The following FBXL5 variants were observed in gnomAD, a reference collection of about 807,000 sequenced individuals.
The protein encoded by FBXL5 is F-box/LRR-repeat protein 5.
Under a neutral mutation model 78.3 loss-of-function variants are expected in FBXL5, and 26 were observed. That is an observed-to-expected ratio of 0.33 (90% CI 0.24 to 0.46). FBXL5 has a LOEUF of 0.46. Among genes scored for constraint, FBXL5 ranks in the 20% least tolerant of loss-of-function variants. The pLI is 1.00. For synonymous variants in FBXL5, 295 were observed against 282.5 expected, an observed-to-expected ratio of 1.04 and a Z score of -0.45; for missense variants, 710 against 829.2, an observed-to-expected ratio of 0.86 and a Z score of 1.77.
chr4:15,648,922 G>T (rs1715644757), intron 1 of FBXL5, among the ~76,000 whole-genome samples: 1 of 152,006 alleles, frequency 6.6e-6, no homozygotes, highest in Admixed American at 6.6e-5. Context: ...TTTGATTTTG[G>T]TAATCATTAT....
intron 2 of FBXL5, chr4:15,641,516 T>C: frequency 5.0e-6 from 2 of 399,596 alleles, no homozygotes; most frequent in Non-Finnish European, 9.8e-6. Flanking sequence ...TTCTTTTCTC[T>C]AGCTTACCTT....
At chr4:15,636,183 GA>G (rs1714243747) in intron 5 of FBXL5, among the ~76,000 whole-genome samples, 1 of 152,026 alleles carries the variant, frequency 6.6e-6, no homozygotes, top group African/African-American at 2.4e-5. Flanking sequence ...GTCAAAAGCA[GA>G]ACTAGTATAA....
upstream of FBXL5, among the ~76,000 whole-genome samples, chr4:15,664,550 CT>C (rs35319145): frequency 0.085 from 6,440 of 75,534 alleles, 40 homozygotes; most frequent in Non-Finnish European, 0.093. Context: ...GGCCCTCATC[CT>C]TTTTTTTTTT....
At chr4:15,639,259 G>A (rs771112421) in intron 3 of FBXL5, among the ~76,000 whole-genome samples, 1 of 152,128 alleles carries the variant, frequency 6.6e-6, no homozygotes. Flanking sequence ...GGACCAGAAG[G>A]CTTTCCCTTT....
chr4:15,677,895 G>A (rs561139338), intron 1 of FBXL5, among the ~76,000 whole-genome samples: 1 of 151,652 alleles, frequency 6.6e-6, no homozygotes, highest in African/African-American at 2.4e-5. Flanking sequence ...ACTTGTGGCT[G>A]GCATCTGAAA....
At chr4:15,667,339 CAT>C (rs890600615) in intron 1 of FBXL5, among the ~76,000 whole-genome samples, 6 of 152,106 alleles carry the variant, frequency 3.9e-5, no homozygotes, top group Admixed American at 1.3e-4. Flanking sequence ...AGTTTTAACT[CAT>C]ATTAAACAAT....
At chr4:15,651,431 T>A (rs571242420) in intron 1 of FBXL5, among the ~76,000 whole-genome samples, 1 of 152,236 alleles carries the variant, frequency 6.6e-6, no homozygotes, top group East Asian at 1.9e-4. Flanking sequence ...CTTAAGTAGT[T>A]CGTGAAGATT....
chr4:15,642,799 C>G (rs1715027662), intron 2 of FBXL5, among the ~76,000 whole-genome samples: 1 of 152,120 alleles, frequency 6.6e-6, no homozygotes. Context: ...TCATAAATGC[C>G]CATCTGGATT....
intron 4 of FBXL5, among the ~76,000 whole-genome samples, chr4:15,636,913 A>C (rs961849264): frequency 2.0e-5 from 3 of 152,218 alleles, no homozygotes; most frequent in African/African-American, 7.2e-5. Flanking sequence ...AGCTACAATA[A>C]TGAACACAGA....
At chr4:15,675,247 A>G (rs566847185) in intron 1 of FBXL5, among the ~76,000 whole-genome samples, 2 of 152,178 alleles carry the variant, frequency 1.3e-5, no homozygotes, top group South Asian at 4.1e-4. Flanking sequence ...TTTTCTTCAA[A>G]TTAAGATTAA....
At chr4:15,648,653 G>T (rs889192125) in intron 1 of FBXL5, among the ~76,000 whole-genome samples, 10 of 152,144 alleles carry the variant, frequency 6.6e-5, no homozygotes, top group Non-Finnish European at 1.5e-4. Flanking sequence ...ACTATATATG[G>T]AATCTAAAGT....
At chr4:15,645,581 C>T (rs907546755) in intron 1 of FBXL5, among the ~76,000 whole-genome samples, 2 of 152,102 alleles carry the variant, frequency 1.3e-5, no homozygotes, top group Non-Finnish European at 2.9e-5. Context: ...GTGCTCGCCA[C>T]CACGCCCGGC....
At chr4:15,644,959 C>T (rs911392530) in intron 1 of FBXL5, among the ~76,000 whole-genome samples, 1 of 152,120 alleles carries the variant, frequency 6.6e-6, no homozygotes, top group Admixed American at 6.6e-5. Flanking sequence ...GCACAAATCA[C>T]GGTTTCTTTA....
chr4:15,625,481 G>T lies in FBXL5; in HGVS notation c.1621C>A (p.Pro541Thr), dbSNP rs753798299. ...GAGTGACCACAATACGCAAAGGCTG[G>T]AGAAGCACAATGCTGCTGCCAACAG... ...SVCWQQHCASPAFAYCGHSFC... is the reference protein window; with the variant it reads ...SVCWQQHCASTAFAYCGHSFC... The change falls in exon 9 of 11, where the codon CCA becomes ACA. Residue 541 changes from proline (P) to threonine (T), a missense_variant. Transcript: ENST00000341285. The T allele has an allele frequency of 1.2e-6, 2 of 1,613,960 alleles. No individual in the cohort carries two copies. Among genetic ancestry groups the T allele is most frequent in the Admixed American group, 3.3e-5 (2 of 59,998 alleles).
intron 2 of FBXL5, chr4:15,641,495 T>G (rs1714868538): frequency 1.1e-5 from 4 of 379,578 alleles, no homozygotes; most frequent in South Asian, 8.1e-5. Context: ...CGTATGATGT[T>G]CTTAGTAACA....
upstream of FBXL5, among the ~76,000 whole-genome samples, chr4:15,659,036 G>A (rs1185790848): frequency 1.3e-5 from 2 of 152,140 alleles, no homozygotes; most frequent in African/African-American, 4.8e-5. Context: ...CAGCTGCAGT[G>A]ATCAATGTTT....
At chr4:15,610,198 C>T (rs1722156609) in intron 10 of FBXL5, among the ~76,000 whole-genome samples, 1 of 152,032 alleles carries the variant, frequency 6.6e-6, no homozygotes, top group African/African-American at 2.4e-5. Flanking sequence ...CAAGTGTCAT[C>T]TTGCAAAACT....
chr4:15,626,818 A>G, intron 8 of FBXL5, 55 bp downstream of exon 8: 1 of 1,290,590 alleles, frequency 7.7e-7, no homozygotes, highest in Non-Finnish European at 1.1e-6. Context: ...AATTACATAA[A>G]TGAAACCTTA....
intron 1 of FBXL5, among the ~76,000 whole-genome samples, chr4:15,645,704 G>A (rs1715283399): frequency 2.0e-5 from 3 of 152,112 alleles, no homozygotes. Context: ...TGGGATTACA[G>A]GTATAAGCTA....
Sources: gnomAD v4.1 joint callset for allele counts (sites outside exome capture counted in the v4.1 genomes callset) on GRCh38, gnomAD v4.1.1 for gene constraint, MANE v1.5 for transcripts, NCBI Gene and HGNC (gene_info 2026-07-23, HGNC 2026-07-21) for gene names.